The following TRNT1 variants were observed in gnomAD, a reference collection of about 807,000 sequenced individuals.
TRNT1 encodes the protein tRNA nucleotidyl transferase 1.
A neutral mutation model predicts 45.6 loss-of-function variants in TRNT1; 44 were observed. The ratio of observed to expected loss-of-function variants is 0.97; its 90% confidence interval spans 0.76 to 1.24. The LOEUF (loss-of-function observed/expected upper bound fraction) is 1.24. Among genes scored for constraint, TRNT1 ranks in the 50% most tolerant of loss-of-function variants. The pLI is 0.00. For missense variants in TRNT1, 633 were observed against 504.4 expected, an observed-to-expected ratio of 1.25 and a Z score of -2.44; for synonymous variants, 201 against 171.4, an observed-to-expected ratio of 1.17 and a Z score of -1.35.
At chr3:3,153,229 T>A (rs77659952), downstream of TRNT1, 1,029 of 542,686 alleles carry the variant, frequency 1.9e-3, 20 homozygotes, top group East Asian at 0.031. Flanking sequence ...CTGTGAATAA[T>A]CCCTGACATG....
Position 3,148,214 on chromosome 3 carries a change from CTTAATGAGGTT to C in TRNT1, c.*64_*74del. 3.2e-6 allele frequency: 5 copies of C among 1,571,946 alleles called. No individual in the cohort carries two copies. The highest frequency in any genetic ancestry group is 4.3e-6 in the Non-Finnish European group (5 of 1,160,306). ...TAAGACTAAATTTTCTCCCCTCCCT[CTTAATGAGGTT>C]TTAGAGACTACACCAGAATAAAAGA... On this transcript the variant is annotated 3_prime_UTR_variant, in exon 8 of 8. Coordinates refer to ENST00000251607, the MANE Select transcript of TRNT1 (RefSeq NM_182916.3).
rs559472880 is a variant in TRNT1 at position 3,129,044 on chromosome 3, C to T, written c.4C>T (p.Leu2=). Residue 2 remains leucine (L), a synonymous_variant, in exon 2 of 8, where the codon CTG becomes TTG. Transcript: ENST00000251607. ...TAGTTGGTGACTGCCTCTCCAGATG[C>T]TGAGGTGCCTGTATCATTGGCACAG... M[L]RCLYHWHRPV... 4.4e-6 allele frequency: 7 copies of T among 1,606,488 alleles called. No individual in the cohort carries two copies. The South Asian group carries it at 6.6e-5, about 15-fold the overall frequency.
At chr3:3,152,734 A>AGTATGAAAATGG, downstream of TRNT1, 1 of 1,001,212 alleles carries the variant, frequency 1.0e-6, no homozygotes, top group South Asian at 1.4e-5. Context: ...CCAGGATCTT[A>AGTATGAAAATGG]GTATGAAAAT....
downstream of TRNT1, chr3:3,149,994 T>C (rs1177836854): frequency 1.3e-5 from 2 of 152,150 alleles, no homozygotes; most frequent in African/African-American, 2.4e-5. Context: ...TTTTACATTA[T>C]TTGAACAAAG....
Position 3,148,874 on chromosome 3 carries a change from A to G in TRNT1, c.*720A>G, listed in dbSNP as rs148513565. 6.6e-5 allele frequency: 10 copies of G among 152,306 alleles called. No individual in the cohort carries two copies. The East Asian group carries it at 1.7e-3, about 26-fold the overall frequency. 9.4% of individuals were successfully genotyped at this position (152,306 alleles called of 1,614,324 possible). The stretch of plus-strand genomic sequence containing the variant: ...GATAAATATGTTTATGTGGTATCTG[A>G]CAATGTGTATTAGGTGTCATATACA... On this transcript the variant is annotated 3_prime_UTR_variant, in exon 8 of 8. Coordinates refer to ENST00000251607, the MANE Select transcript of TRNT1 (RefSeq NM_182916.3).
intron 4 of TRNT1, among the ~76,000 whole-genome samples, chr3:3,141,557 GCTTAA>G (rs1431840579): frequency 1.3e-5 from 2 of 152,052 alleles, no homozygotes; most frequent in Non-Finnish European, 2.9e-5. Context: ...ATTTATTTCA[GCTTAA>G]CTTTTTTGTT....
intron 2 of TRNT1, 35 bp from the exon 3 acceptor site, chr3:3,137,225 C>G (rs746933564): frequency 1.3e-6 from 2 of 1,521,072 alleles, no homozygotes; most frequent in Non-Finnish European, 1.8e-6. Flanking sequence ...AAATAAAGAA[C>G]TTGGGAATAA....
chr3:3,136,304 C>A (rs148594036), intron 2 of TRNT1, among the ~76,000 whole-genome samples: 42 of 152,270 alleles, frequency 2.8e-4, no homozygotes, highest in African/African-American at 1.0e-3. Context: ...GCCATTCTCA[C>A]TAGGTTCCAT....
chr3:3,151,387 C>T (rs1706537628), downstream of TRNT1, among the ~76,000 whole-genome samples: 1 of 152,122 alleles, frequency 6.6e-6, no homozygotes, highest in Non-Finnish European at 1.5e-5. Context: ...ACTGGCTTTT[C>T]CTTTGTTGTA....
chr3:3,151,859 C>T (rs1181632863), downstream of TRNT1, among the ~76,000 whole-genome samples: 2 of 151,888 alleles, frequency 1.3e-5, no homozygotes, highest in African/African-American at 4.8e-5. Flanking sequence ...AGAAGAAAAG[C>T]AGGATTCAAT....
At chr3:3,129,490 G>A (rs898439694) in intron 2 of TRNT1, 1 of 399,624 alleles carries the variant, frequency 2.5e-6, no homozygotes, top group Non-Finnish European at 4.6e-6. Context: ...GGGAGGCCAA[G>A]GTAGGAGGAT....
chr3:3,133,142 CAAG>C (rs561170127), intron 2 of TRNT1, among the ~76,000 whole-genome samples: 88 of 152,112 alleles, frequency 5.8e-4, no homozygotes, highest in African/African-American at 2.1e-3. Context: ...TTTCAGTATG[CAAG>C]AATATGAGAG....
In TRNT1 at chr3:3,146,597, A is replaced by G. The variant is rs774860021; in HGVS notation, c.776A>G (p.Tyr259Cys). 1.1e-5 allele frequency: 18 copies of G among 1,612,762 alleles called. No homozygotes were observed. Among genetic ancestry groups the G allele is most frequent in the Middle Eastern group, 1.7e-4 (1 of 6,048 alleles). The change falls in exon 6 of 8, where the codon TAT becomes TGT. Residue 259 changes from tyrosine (Y) to cysteine (C), a missense_variant. Coordinates refer to ENST00000251607, the MANE Select transcript of TRNT1 (RefSeq NM_182916.3). ...GTAAATCATTTGATTCACCTTATCT[A>G]TGATCTTGATGTGGCTCCTTATATA... is the stretch of plus-strand genomic sequence containing the variant. ...NHVNHLIHLI[Y>C]DLDVAPYIGL...
At chr3:3,127,256 C>A (rs1185172455) in intron 1 of TRNT1, 1 of 152,300 alleles carries the variant, frequency 6.6e-6, no homozygotes. Context: ...GACGCTTTTT[C>A]ACTGGGCCTT....
Position 3,148,620 on chromosome 3 carries a change from C to CAAGT in TRNT1, c.*471_*474dup, listed in dbSNP as rs535244091. The CAAGT allele has an allele frequency of 7.9e-4, 120 of 152,850 alleles. No individual in the cohort carries two copies. The highest frequency in any genetic ancestry group is 1.1e-3 in the Non-Finnish European group (78 of 68,538). 9.5% of individuals were successfully genotyped at this position (152,850 alleles called of 1,614,324 possible). ...TGTGCTTAAAAAAGAAATAATTGACCAAGTAAGTTTGCATAAAATGTGAAT... is the reference window on the plus strand; with the variant it reads ...TGTGCTTAAAAAAGAAATAATTGACCAAGTAAGTAAGTTTGCATAAAATGTGAAT... On this transcript the variant is annotated 3_prime_UTR_variant, in exon 8 of 8. Transcript: ENST00000251607.
intron 7 of TRNT1, 53 bp downstream of exon 7, chr3:3,147,756 A>T: frequency 6.5e-7 from 1 of 1,541,290 alleles, no homozygotes; most frequent in Non-Finnish European, 8.7e-7. Context: ...ACGAATTTAG[A>T]ATTAATTTAT....
Position 3,147,444 on chromosome 3 carries a change from C to G in TRNT1, c.803-6C>G. ...AAACAGGTGAAAAATGCTTTTGTCCCTACAGGTTTACCTGCTAATGCAAGT... is the reference window on the plus strand; with the variant it reads ...AAACAGGTGAAAAATGCTTTTGTCCGTACAGGTTTACCTGCTAATGCAAGT... On this transcript the variant is annotated splice_polypyrimidine_tract_variant and splice_region_variant and intron_variant, in intron 6 of 7. Transcript: ENST00000251607. The G allele has an allele frequency of 6.2e-7, 1 of 1,612,450 alleles. No individual in the cohort carries two copies. The highest frequency in any genetic ancestry group is 8.5e-7 in the Non-Finnish European group (1 of 1,179,118).
intron 1 of TRNT1, 57 bp downstream of exon 1, chr3:3,127,047 T>G (rs1469409026): frequency 1.3e-5 from 2 of 152,412 alleles, no homozygotes; most frequent in East Asian, 3.9e-4. Context: ...TTGCTGCCCC[T>G]TCCTTCCTGC....
chr3:3,152,415 T>TA (rs753190367), downstream of TRNT1: 31 of 1,582,238 alleles, frequency 2.0e-5, no homozygotes, highest in Middle Eastern at 1.7e-4. Context: ...CCAATTAAGG[T>TA]AAAAAAAGAA....
Sources: gnomAD v4.1 joint callset for allele counts (sites outside exome capture counted in the v4.1 genomes callset) on GRCh38, gnomAD v4.1.1 for gene constraint, MANE v1.5 for transcripts, NCBI Gene and HGNC (gene_info 2026-07-23, HGNC 2026-07-21) for gene names.